The following GABPA variants were observed in gnomAD, a reference collection of about 807,000 sequenced individuals.
GABPA encodes the protein GA binding protein transcription factor subunit alpha, also known as GA-binding protein alpha chain.
In GABPA, 4 loss-of-function variants were observed where a neutral mutation model predicts 59.4. The observed-to-expected ratio is 0.07, with a 90% CI of 0.03 to 0.15. The LOEUF is 0.15. GABPA is among the 10% of genes least tolerant of loss of function. GABPA has a pLI of 1.00. For missense variants in GABPA, 251 were observed against 543.8 expected, an observed-to-expected ratio of 0.46 and a Z score of 5.36; for synonymous variants, 164 against 183.1, an observed-to-expected ratio of 0.90 and a Z score of 0.84.
In GABPA at chr21:25,772,386, A is replaced by G. The variant is rs1015420006; in HGVS notation, c.*3154A>G. On this transcript the variant is annotated 3_prime_UTR_variant, in exon 10 of 10. Transcript: ENST00000400075. ...ATTTTACATAAAACAGTTATTTTCT[A>G]TTTTTACGCAGATAAATATTTGTGC... 5 of 152,162 alleles carry G rather than the reference A, an allele frequency of 3.3e-5. No homozygotes were observed. Among genetic ancestry groups the G allele is most frequent in the South Asian group, 4.1e-4 (2 of 4,820 alleles). 9.4% of individuals were successfully genotyped at this position (152,162 alleles called of 1,614,324 possible). A position where few individuals can be genotyped will look rare whatever the true frequency, so the allele number is the denominator to read the frequency against.
intron 1 of GABPA, among the ~76,000 whole-genome samples, chr21:25,738,164 AT>A (rs1568937233): frequency 1.3e-5 from 2 of 152,206 alleles, no homozygotes; most frequent in Non-Finnish European, 2.9e-5. Flanking sequence ...AGATAGGGGA[AT>A]CTTATGTCCC....
At chr21:25,748,896 AAAT>A (rs2035436390) in intron 3 of GABPA, 137 bp from the exon 4 acceptor site, 2 of 636,888 alleles carry the variant, frequency 3.1e-6, no homozygotes, top group Non-Finnish European at 5.6e-6. Context: ...ATGACAAGCT[AAAT>A]AATGTGTTCT....
At chr21:25,740,213 A>C (rs1250212846) in intron 1 of GABPA, among the ~76,000 whole-genome samples, 1 of 152,252 alleles carries the variant, frequency 6.6e-6, no homozygotes, top group Admixed American at 6.5e-5. Flanking sequence ...GGAGCTCAAA[A>C]TAAGATTGCT....
chr21:25,765,236 C>G (rs1289027023), intron 9 of GABPA, among the ~76,000 whole-genome samples: 2 of 151,830 alleles, frequency 1.3e-5, no homozygotes, highest in Non-Finnish European at 2.9e-5. Context: ...GGTTTTTTGA[C>G]AGAAATTACT....
chr21:25,755,808 G>A (rs914608293), intron 5 of GABPA, among the ~76,000 whole-genome samples: 1 of 152,130 alleles, frequency 6.6e-6, no homozygotes, highest in African/African-American at 2.4e-5. Flanking sequence ...CTTTAAATCT[G>A]TCTCCTTATT....
chr21:25,745,136 GTT>G, intron 2 of GABPA, 72 bp from the exon 3 acceptor site: 2 of 1,523,842 alleles, frequency 1.3e-6, no homozygotes, highest in Non-Finnish European at 1.8e-6. Context: ...TTGGGATTGT[GTT>G]TTTAGCATAT....
In GABPA at chr21:25,758,218, G is replaced by C. The variant is rs560721760; in HGVS notation, c.748+14G>C. 6.5e-7 allele frequency: 1 copy of C among 1,538,784 alleles called. No homozygotes were observed. The highest frequency in any genetic ancestry group is 1.4e-5 in the African/African-American group (1 of 72,154). On this transcript the variant is annotated intron_variant, in intron 6 of 9. Coordinates refer to ENST00000400075, the MANE Select transcript of GABPA (RefSeq NM_002040.4). The stretch of plus-strand genomic sequence containing the variant: ...TTCTCCGAAAATGTATGAAATTACA[G>C]TTATTTCTTTACATTGTAATTTAAG...
intron 9 of GABPA, among the ~76,000 whole-genome samples, chr21:25,768,756 A>G (rs973636694): frequency 6.6e-6 from 1 of 152,060 alleles, no homozygotes; most frequent in African/African-American, 2.4e-5. Flanking sequence ...TTTTATTCTA[A>G]TTGTTGAAAA....
At chr21:25,752,991 A>G (rs1296400591) in intron 5 of GABPA, among the ~76,000 whole-genome samples, 1 of 152,160 alleles carries the variant, frequency 6.6e-6, no homozygotes, top group Non-Finnish European at 1.5e-5. Flanking sequence ...GAGGGTAGAG[A>G]GGGAAGATAC....
intron 2 of GABPA, among the ~76,000 whole-genome samples, chr21:25,744,687 ATT>A (rs36059786): frequency 6.7e-6 from 1 of 150,364 alleles, no homozygotes; most frequent in Non-Finnish European, 1.5e-5. Flanking sequence ...AAGAATATAC[ATT>A]TTTTTTTTAA....
At chr21:25,768,898 G>C (rs1439418318) in intron 9 of GABPA, 106 bp from the exon 10 acceptor site, 1 of 669,180 alleles carries the variant, frequency 1.5e-6, no homozygotes, top group Non-Finnish European at 2.7e-6. Flanking sequence ...TGCTATTGTG[G>C]CGGATGCAGT....
intron 4 of GABPA, among the ~76,000 whole-genome samples, chr21:25,750,940 C>G (rs1406486620): frequency 6.6e-6 from 1 of 151,978 alleles, no homozygotes; most frequent in East Asian, 1.9e-4. Context: ...TTTAAACTAC[C>G]TGAGAATGAT....
intron 4 of GABPA, among the ~76,000 whole-genome samples, chr21:25,751,297 A>G (rs986839556): frequency 2.6e-5 from 4 of 151,422 alleles, no homozygotes; most frequent in Admixed American, 1.3e-4. Context: ...TAAACTATCC[A>G]GAATTAAATC....
chr21:25,734,992 A>G lies in GABPA; in HGVS notation c.-613A>G, dbSNP rs1408751443. 7 of 1,550,270 alleles carry G rather than the reference A, an allele frequency of 4.5e-6. No individual in the cohort carries two copies. The South Asian group carries it at 8.3e-5, about 18-fold the overall frequency. On this transcript the variant is annotated 5_prime_UTR_variant, in exon 1 of 10. Transcript: ENST00000400075. ...GTTTCAGTCGGTCGACGCTCACCGG[A>G]CAGGAAGCGTCTCGGAGACAGTCTG...
At chr21:25,754,633 T>C (rs909045485) in intron 5 of GABPA, among the ~76,000 whole-genome samples, 1 of 152,230 alleles carries the variant, frequency 6.6e-6, no homozygotes, top group Non-Finnish European at 1.5e-5. Context: ...TTTTAACTTT[T>C]AAAAAGCTTT....
chr21:25,738,565 C>G (rs1416969103), intron 1 of GABPA, among the ~76,000 whole-genome samples: 1 of 152,110 alleles, frequency 6.6e-6, no homozygotes. Context: ...CTTTTTCTAT[C>G]CTGAGACCAC....
intron 1 of GABPA, among the ~76,000 whole-genome samples, chr21:25,739,450 A>G (rs1233859505): frequency 6.6e-6 from 1 of 152,188 alleles, no homozygotes; most frequent in African/African-American, 2.4e-5. Flanking sequence ...AGAGCCTTCG[A>G]GGGAGAATCC....
At position 25,762,365 on chromosome 21, in the gene GABPA, C is replaced by A; in HGVS notation, c.802C>A (p.Pro268Thr). Residue 268 changes from proline to threonine, a missense_variant and splice_region_variant, in exon 7 of 10, where the codon CCT (proline) becomes ACT (threonine). Transcript: ENST00000400075. ...QMNEIVTIDQ[P>T]VQIIPASVQS... ...GAATGAAATAGTTACAATTGATCAACGTGAGTATTTGTACCTATATTTGCC... is the reference window on the plus strand; with the variant it reads ...GAATGAAATAGTTACAATTGATCAAAGTGAGTATTTGTACCTATATTTGCC... The A allele has an allele frequency of 6.4e-7, 1 of 1,568,056 alleles. No homozygotes were observed. The highest frequency in any genetic ancestry group is 8.7e-7 in the Non-Finnish European group (1 of 1,153,548).
At chr21:25,762,580 A>T (rs11911679) in intron 7 of GABPA, among the ~76,000 whole-genome samples, 5,359 of 152,274 alleles carry the variant, frequency 0.035, 304 homozygotes, top group African/African-American at 0.12. Context: ...TTTGTATCTC[A>T]GTTCACCAAA....
Sources: gnomAD v4.1 joint callset for allele counts (sites outside exome capture counted in the v4.1 genomes callset) on GRCh38, gnomAD v4.1.1 for gene constraint, MANE v1.5 for transcripts, NCBI Gene and HGNC (gene_info 2026-07-23, HGNC 2026-07-21) for gene names.